EFL1: variants seen among roughly 807,000 people sequenced by gnomAD.
EFL1 encodes the protein elongation factor like GTPase 1, also known as elongation factor-like GTPase 1.
A neutral mutation model predicts 126.7 loss-of-function variants in EFL1; 76 were observed. The observed-to-expected ratio is 0.60, with a 90% CI of 0.50 to 0.73. The LOEUF (loss-of-function observed/expected upper bound fraction) is 0.73, where lower values mean the gene tolerates loss of function less well. EFL1 is among the 30% of genes least tolerant of loss of function. The pLI is 0.00. For synonymous variants in EFL1, 410 were observed against 448.4 expected (o/e 0.91, Z 1.08); for missense variants, 1,128 against 1,343.2 (o/e 0.84, Z 2.50).
intron 19 of EFL1, among the ~76,000 whole-genome samples, chr15:82,133,358 T>A (rs1402591324): frequency 6.6e-6 from 1 of 152,216 alleles, no homozygotes; most frequent in Non-Finnish European, 1.5e-5. Flanking sequence ...AGATATTATA[T>A]GAAAGTCATA....
At chr15:82,255,619 AAAT>A in intron 3 of EFL1, among the ~76,000 whole-genome samples, 1 of 152,366 alleles carries the variant, frequency 6.6e-6, no homozygotes, top group South Asian at 2.1e-4. Context: ...TTTAGTTTTT[AAAT>A]AAAAAAGCTT....
chr15:82,167,489 T>G (rs1175334533), intron 15 of EFL1, among the ~76,000 whole-genome samples: 1 of 152,172 alleles, frequency 6.6e-6, no homozygotes, highest in Non-Finnish European at 1.5e-5. Flanking sequence ...TTAAGAAGAA[T>G]TTCAGAAAGA....
chr15:82,207,821 C>A (rs1354368304), intron 15 of EFL1, among the ~76,000 whole-genome samples: 1 of 150,986 alleles, frequency 6.6e-6, no homozygotes, highest in African/African-American at 2.4e-5. Context: ...CCCCCGGGTT[C>A]AAGGGATTCT....
At chr15:82,160,383 T>TA (rs2074010786) in intron 16 of EFL1, among the ~76,000 whole-genome samples, 1 of 152,172 alleles carries the variant, frequency 6.6e-6, no homozygotes. Flanking sequence ...CCAAGGGAAC[T>TA]ATGAAAAATA....
chr15:82,159,176 G>C (rs555772759), intron 16 of EFL1, among the ~76,000 whole-genome samples: 4 of 152,060 alleles, frequency 2.6e-5, no homozygotes, highest in Admixed American at 1.3e-4. Flanking sequence ...TAATTAAGTG[G>C]ATTTTCAGAT....
chr15:82,167,678 T>C (rs1240236947), intron 15 of EFL1, among the ~76,000 whole-genome samples: 1 of 152,180 alleles, frequency 6.6e-6, no homozygotes, highest in Non-Finnish European at 1.5e-5. Context: ...AAACCATTAG[T>C]GAATACTAAC....
rs756735474 is a variant in EFL1 at position 82,130,499 on chromosome 15, C to G, written c.3237G>C (p.Glu1079Asp). ...GGGCTTGGTTCTCAGAGTCAGCCTT[C>G]TCCCCAAAGTGCAAGTATTCCTCCT... ...TTEEEYLHFGEKADSENQARK... is the reference protein window; with the variant it reads ...TTEEEYLHFGDKADSENQARK... The change falls in exon 20 of 20, where the codon GAG becomes GAC. Residue 1079 changes from glutamate to aspartate, a missense_variant. Glu to Asp is a conservative substitution (Grantham distance 45). This residue lies in a region of EFL1 where 561 missense variants were observed against 641.7 expected (regional missense o/e 0.87). Transcript: ENST00000268206. 4.3e-6 allele frequency: 7 copies of G among 1,614,036 alleles called. No homozygotes were observed. The highest frequency in any genetic ancestry group is 5.9e-6 in the Non-Finnish European group (7 of 1,180,034).
chr15:82,251,002 A>G (rs2075015827), intron 4 of EFL1, among the ~76,000 whole-genome samples: 1 of 152,040 alleles, frequency 6.6e-6, no homozygotes, highest in African/African-American at 2.4e-5. Flanking sequence ...ACCTGCGGTC[A>G]GGAGTTCAAG....
chr15:82,159,098 CTG>C (rs1455468205), intron 16 of EFL1, among the ~76,000 whole-genome samples: 1 of 152,176 alleles, frequency 6.6e-6, no homozygotes, highest in African/African-American at 2.4e-5. Context: ...TGGGATTTCA[CTG>C]TGTCCAGGGT....
chr15:82,203,013 T>C (rs1222726658), intron 15 of EFL1, among the ~76,000 whole-genome samples: 4 of 152,160 alleles, frequency 2.6e-5, no homozygotes, highest in Non-Finnish European at 1.5e-5. Context: ...GGTTTCACCA[T>C]GTTGGCCAGG....
chr15:82,174,803 C>T (rs568307686), intron 15 of EFL1, among the ~76,000 whole-genome samples: 9 of 152,300 alleles, frequency 5.9e-5, no homozygotes, highest in African/African-American at 1.9e-4. Context: ...CTGCATCACC[C>T]GATGCCACTC....
chr15:82,192,595 C>T (rs2074370347), intron 15 of EFL1, among the ~76,000 whole-genome samples: 1 of 152,080 alleles, frequency 6.6e-6, no homozygotes, highest in Non-Finnish European at 1.5e-5. Context: ...TAACCAAGAG[C>T]TTTAATAAAC....
chr15:82,259,916 T>C lies in EFL1; in HGVS notation c.92-761A>G, dbSNP rs529638493. 1.8e-4 allele frequency among the ~76,000 whole-genome samples: 28 copies of C among 152,358 alleles called. No homozygotes were observed. The East Asian group carries it at 1.9e-3, about 10-fold the overall frequency. ...TGAAGATATTTAACACTGCTATCTGTCTGCAATGTAAATATGTATTAGCAT... is the reference window on the plus strand; with the variant it reads ...TGAAGATATTTAACACTGCTATCTGCCTGCAATGTAAATATGTATTAGCAT... On this transcript the variant is annotated intron_variant, in intron 2 of 19. Transcript: ENST00000268206.
At chr15:82,179,782 C>T (rs1346879338) in intron 15 of EFL1, among the ~76,000 whole-genome samples, 1 of 136,384 alleles carries the variant, frequency 7.3e-6, no homozygotes, top group Non-Finnish European at 1.5e-5. Context: ...AGGCAGGGGT[C>T]CACCCTCACT....
At chr15:82,218,267 C>G (rs1335823650) in intron 14 of EFL1, among the ~76,000 whole-genome samples, 1 of 152,050 alleles carries the variant, frequency 6.6e-6, no homozygotes, top group Non-Finnish European at 1.5e-5. Flanking sequence ...AACACAAATT[C>G]TGGGTAGGGG....
chr15:82,138,322 T>C (rs935797311), intron 19 of EFL1, among the ~76,000 whole-genome samples: 2 of 152,170 alleles, frequency 1.3e-5, no homozygotes, highest in African/African-American at 2.4e-5. Flanking sequence ...TGTGATTTTC[T>C]TTTAAAAATC....
intron 18 of EFL1, among the ~76,000 whole-genome samples, chr15:82,140,304 T>G (rs2073771843): frequency 6.6e-6 from 1 of 152,208 alleles, no homozygotes; most frequent in Non-Finnish European, 1.5e-5. Context: ...AATTTCACAA[T>G]AATTTTCATG....
intron 15 of EFL1, among the ~76,000 whole-genome samples, chr15:82,207,307 TAC>T (rs1555429173): frequency 0.014 from 1,974 of 145,416 alleles, 21 homozygotes; most frequent in Non-Finnish European, 0.021. Context: ...TATATATATA[TAC>T]ACACACACAT....
intron 15 of EFL1, among the ~76,000 whole-genome samples, chr15:82,166,815 CCTT>C (rs1297592392): frequency 3.3e-5 from 5 of 152,280 alleles, no homozygotes; most frequent in East Asian, 1.9e-4. Flanking sequence ...AACTTCTTGT[CCTT>C]CTTTTTTCTA....
Sources: gnomAD v4.1 joint callset for allele counts (sites outside exome capture counted in the v4.1 genomes callset) on GRCh38, gnomAD v4.1.1 for gene constraint, gnomAD v4.1.1 regional missense constraint, MANE v1.5 for transcripts, NCBI Gene and HGNC (gene_info 2026-07-23, HGNC 2026-07-21) for gene names.